Variants in MID1 observed in about 807,000 individuals in gnomAD.
The protein encoded by MID1 is E3 ubiquitin-protein ligase Midline-1.
MID1 carries 7 observed loss-of-function variants against 40.4 expected under a neutral mutation model. That is an observed-to-expected ratio of 0.17 (90% CI 0.10 to 0.33). The LOEUF (loss-of-function observed/expected upper bound fraction) is 0.33, where lower values mean the gene tolerates loss of function less well. MID1 is among the 10% of genes least tolerant of loss of function. MID1 has a pLI of 1.00. For missense variants in MID1, 367 were observed against 558.5 expected (o/e 0.66, Z 3.46); for synonymous variants, 229 against 221.2 (o/e 1.04, Z -0.31).
chrX:10,467,116 G>A (rs989292209), intron 7 of MID1, among the ~76,000 whole-genome samples: 1 of 111,162 alleles, frequency 9.0e-6, no homozygotes, highest in Non-Finnish European at 1.9e-5. Context: ...ATAAATTAGA[G>A]CATATCTTTA....
At chrX:10,701,580 G>A (rs1382346961) in intron 1 of MID1, among the ~76,000 whole-genome samples, 1 of 112,345 alleles carries the variant, frequency 8.9e-6, no homozygotes, top group Admixed American at 9.4e-5. Flanking sequence ...AGGAGATGCG[G>A]CAGCAGTTAA....
intron 2 of MID1, among the ~76,000 whole-genome samples, chrX:10,530,666 A>C (rs181178698): frequency 8.9e-6 from 1 of 112,562 alleles, no homozygotes; most frequent in East Asian, 2.8e-4. Context: ...TGAACAATTC[A>C]TGTTGGGACA....
At chrX:10,801,016 A>T (rs2044003047) in intron 1 of MID1, among the ~76,000 whole-genome samples, 1 of 110,905 alleles carries the variant, frequency 9.0e-6, no homozygotes, top group African/African-American at 3.3e-5. Flanking sequence ...ACTCAGCTAC[A>T]TCATCAGGAA....
At chrX:10,503,407 G>T (rs913503724) in intron 3 of MID1, among the ~76,000 whole-genome samples, 7 of 112,331 alleles carry the variant, frequency 6.2e-5, no homozygotes, top group African/African-American at 2.3e-4. Flanking sequence ...GTGAATGAGA[G>T]AGAGAGAGAA....
At chrX:10,692,323 CTCTT>C (rs1431417046) in intron 1 of MID1, among the ~76,000 whole-genome samples, 6 of 111,350 alleles carry the variant, frequency 5.4e-5, no homozygotes, top group African/African-American at 2.0e-4. Context: ...TCTCTTTGTA[CTCTT>C]TCTCTTTATT....
intron 1 of MID1, among the ~76,000 whole-genome samples, chrX:10,643,495 C>A (rs1383972928): frequency 1.8e-5 from 2 of 111,813 alleles, no homozygotes; most frequent in Non-Finnish European, 3.8e-5. Context: ...CAATGGCGAT[C>A]ATTAAAAAGT....
At chrX:10,831,648 C>A (rs2044253432) in intron 1 of MID1, among the ~76,000 whole-genome samples, 1 of 111,522 alleles carries the variant, frequency 9.0e-6, no homozygotes, top group Non-Finnish European at 1.9e-5. Flanking sequence ...ATTATTACCC[C>A]CAAACAGGCT....
intron 1 of MID1, among the ~76,000 whole-genome samples, chrX:10,723,709 G>A (rs1160810809): frequency 4.5e-5 from 5 of 112,216 alleles, no homozygotes; most frequent in Middle Eastern, 4.6e-3. Flanking sequence ...CCGCCACCGC[G>A]CCCGGCTAAT....
chrX:10,809,543 G>A (rs1377819607), intron 1 of MID1, among the ~76,000 whole-genome samples: 3 of 111,445 alleles, frequency 2.7e-5, no homozygotes, highest in Non-Finnish European at 5.6e-5. Context: ...GTCCATCAAC[G>A]ATAGACTGGA....
At chrX:10,772,548 G>A (rs1393963022) in intron 1 of MID1, among the ~76,000 whole-genome samples, 1 of 106,916 alleles carries the variant, frequency 9.4e-6, no homozygotes, top group Non-Finnish European at 1.9e-5. Context: ...CCTGTTCCCT[G>A]AATAACCCAT....
chrX:10,701,006 A>C (rs763334554), intron 1 of MID1, among the ~76,000 whole-genome samples: 1 of 112,333 alleles, frequency 8.9e-6, no homozygotes, highest in South Asian at 3.7e-4. Flanking sequence ...ACACTTACTT[A>C]CTTTTTTGTT....
At chrX:10,468,636 ACT>A (rs914470709) in intron 7 of MID1, among the ~76,000 whole-genome samples, 9 of 110,391 alleles carry the variant, frequency 8.2e-5, no homozygotes, top group African/African-American at 3.0e-4. Context: ...AATTTAAATA[ACT>A]CTGTGGGTTG....
chrX:10,550,757 T>A (rs1268345764), intron 2 of MID1, among the ~76,000 whole-genome samples: 2 of 111,870 alleles, frequency 1.8e-5, no homozygotes, highest in African/African-American at 6.5e-5. Context: ...GGGGCTGTTC[T>A]GTGCATTCAG....
intron 3 of MID1, chrX:10,501,566 A>G: frequency 8.8e-7 from 1 of 1,139,489 alleles, no homozygotes; most frequent in Non-Finnish European, 1.2e-6. Flanking sequence ...CAGTCTGATG[A>G]AAGAGATATT....
intron 1 of MID1, among the ~76,000 whole-genome samples, chrX:10,812,032 C>T (rs1333324115): frequency 9.0e-6 from 1 of 111,450 alleles, no homozygotes; most frequent in African/African-American, 3.3e-5. Context: ...TAAAAAATAA[C>T]ATTAGTCCCT....
At chrX:10,664,980 A>G (rs1286946698) in intron 1 of MID1, among the ~76,000 whole-genome samples, 1 of 112,395 alleles carries the variant, frequency 8.9e-6, no homozygotes, top group Non-Finnish European at 1.9e-5. Flanking sequence ...AGTTGCATCA[A>G]ATACACACAC....
chrX:10,523,607 G>A (rs763696779), intron 2 of MID1, among the ~76,000 whole-genome samples: 4 of 112,168 alleles, frequency 3.6e-5, no homozygotes, highest in Admixed American at 2.8e-4. Flanking sequence ...GGCAGGCTGA[G>A]GCTAATCCCT....
chrX:10,626,092 A>G (rs1029271659), intron 1 of MID1, among the ~76,000 whole-genome samples: 1 of 110,320 alleles, frequency 9.1e-6, no homozygotes, highest in African/African-American at 3.3e-5. Flanking sequence ...CAGGCAAAAC[A>G]AAAGAATGCA....
chrX:10,470,913 C>T (rs1263941533), intron 6 of MID1, among the ~76,000 whole-genome samples: 1 of 112,001 alleles, frequency 8.9e-6, no homozygotes, highest in Non-Finnish European at 1.9e-5. Flanking sequence ...GACTGTGGGC[C>T]AAGTCTGGCC....
Sources: allele counts gnomAD v4.1 joint callset (sites outside exome capture counted in the v4.1 genomes callset), GRCh38; gene constraint gnomAD v4.1.1; transcripts MANE v1.5; gene names NCBI Gene and HGNC (gene_info 2026-07-23, HGNC 2026-07-21).